The following MGLL variants were observed in gnomAD, a reference collection of about 807,000 sequenced individuals.
MGLL encodes lysophospholipase homolog.
Under a neutral mutation model 29.1 loss-of-function variants are expected in MGLL, and 7 were observed. The observed-to-expected ratio is 0.24, with a 90% CI of 0.14 to 0.45. MGLL has a LOEUF of 0.45. Ranked by LOEUF, MGLL falls within the 20% of genes least tolerant of loss-of-function variation. The probability of loss-of-function intolerance (pLI) is 0.99; values close to 1 mark genes in which losing one functional copy is unlikely to be tolerated. For synonymous variants in MGLL, 148 were observed against 168.3 expected, an observed-to-expected ratio of 0.88 and a Z score of 0.93; for missense variants, 356 against 413.6, an observed-to-expected ratio of 0.86 and a Z score of 1.21.
chr3:127,754,136 A>G (rs2076612663), intron 3 of MGLL, among the ~76,000 whole-genome samples: 1 of 152,150 alleles, frequency 6.6e-6, no homozygotes, highest in Admixed American at 6.5e-5. Flanking sequence ...CCGCTCACCC[A>G]GGCCCTGGCC....
At chr3:127,706,854 A>C (rs1352330243) in intron 6 of MGLL, among the ~76,000 whole-genome samples, 6 of 152,250 alleles carry the variant, frequency 3.9e-5, no homozygotes, top group Non-Finnish European at 8.8e-5. Flanking sequence ...GCTGAAGCCC[A>C]TCTTTAGCTG....
chr3:127,795,282 T>C (rs574232089), intron 2 of MGLL, among the ~76,000 whole-genome samples: 2 of 152,280 alleles, frequency 1.3e-5, no homozygotes, highest in East Asian at 3.9e-4. Flanking sequence ...AACAAATTAA[T>C]GCAGGAACAG....
chr3:127,806,794 A>G (rs555174354), intron 2 of MGLL, among the ~76,000 whole-genome samples: 1 of 152,144 alleles, frequency 6.6e-6, no homozygotes, highest in Non-Finnish European at 1.5e-5. Flanking sequence ...TGGGAGGCCG[A>G]GGCGGGTGGA....
intron 3 of MGLL, among the ~76,000 whole-genome samples, chr3:127,773,656 G>A (rs1379999122): frequency 6.6e-6 from 1 of 152,146 alleles, no homozygotes; most frequent in Non-Finnish European, 1.5e-5. Flanking sequence ...TGTGGACTTG[G>A]GGGAGGGACC....
At chr3:127,816,790 A>G (rs1245224076) in intron 2 of MGLL, among the ~76,000 whole-genome samples, 1 of 152,016 alleles carries the variant, frequency 6.6e-6, no homozygotes, top group African/African-American at 2.4e-5. Flanking sequence ...ACTGAGCCCC[A>G]CTCCCGGGAG....
At chr3:127,694,479 T>C (rs1040125786) in intron 7 of MGLL, among the ~76,000 whole-genome samples, 11 of 151,984 alleles carry the variant, frequency 7.2e-5, no homozygotes, top group Non-Finnish European at 1.5e-4. Context: ...GCAGGGCCTG[T>C]CCTCAGGGCC....
chr3:127,815,647 G>A (rs980647479), intron 2 of MGLL, among the ~76,000 whole-genome samples: 4 of 152,108 alleles, frequency 2.6e-5, no homozygotes, highest in African/African-American at 7.2e-5. Flanking sequence ...TGCCCTTTCC[G>A]AGGGTGGAAC....
intron 5 of MGLL, among the ~76,000 whole-genome samples, chr3:127,715,165 T>C (rs902688675): frequency 6.6e-6 from 1 of 152,122 alleles, no homozygotes; most frequent in African/African-American, 2.4e-5. Context: ...TTGGCCAAAG[T>C]GGGGCCCTGG....
At chr3:127,795,928 C>T (rs1173034959) in intron 2 of MGLL, among the ~76,000 whole-genome samples, 2 of 152,126 alleles carry the variant, frequency 1.3e-5, no homozygotes, top group Admixed American at 6.5e-5. Flanking sequence ...AGGTTCTTTT[C>T]CAAATATATT....
In MGLL at chr3:127,755,878, C is replaced by T. The variant is rs1048298242; in HGVS notation, c.262+25911G>A. Among the ~76,000 whole-genome samples, 3 of 152,258 alleles carry T rather than the reference C, an allele frequency of 2.0e-5. No individual in the cohort carries two copies. The South Asian group carries it at 6.2e-4, about 32-fold the overall frequency. On this transcript the variant is annotated intron_variant, in intron 3 of 7. Coordinates refer to ENST00000265052, the MANE Select transcript of MGLL (RefSeq NM_007283.7). ...ACATGGCCGTTTGTCTACCCAATAT[C>T]CACTCTCTCTTTTCTTCTTAGTAAC...
intron 3 of MGLL, among the ~76,000 whole-genome samples, chr3:127,728,777 T>C (rs1027440708): frequency 2.0e-5 from 3 of 152,262 alleles, no homozygotes; most frequent in Non-Finnish European, 4.4e-5. Context: ...TAAATGCATA[T>C]GTAATTTTCG....
intron 3 of MGLL, among the ~76,000 whole-genome samples, chr3:127,780,338 A>G (rs1222697062): frequency 6.6e-6 from 1 of 152,224 alleles, no homozygotes; most frequent in Non-Finnish European, 1.5e-5. Flanking sequence ...CAATGTCTCT[A>G]GAACATAACG....
rs1211028320 is a variant in MGLL, at chr3:127,761,760, C to T, written c.262+20029G>A. Among the ~76,000 whole-genome samples the T allele has an allele frequency of 2.6e-5, 4 of 152,180 alleles. No homozygotes were observed. Among genetic ancestry groups the T allele is most frequent in the Non-Finnish European group, 4.4e-5 (3 of 68,030 alleles). ...ACGTTCGGCTCCTCGCTTCATCGGC[C>T]GGGCCCTTGGGACCCCAGCTCTTCA... On this transcript the variant is annotated intron_variant, in intron 3 of 7. Coordinates refer to ENST00000265052, the MANE Select transcript of MGLL (RefSeq NM_007283.7). The surrounding 1 kb of genome is among the most constrained non-coding windows in gnomAD (Gnocchi z 4.6).
At chr3:127,778,683 G>A (rs559557834) in intron 3 of MGLL, among the ~76,000 whole-genome samples, 5 of 152,270 alleles carry the variant, frequency 3.3e-5, no homozygotes, top group Admixed American at 2.6e-4. Flanking sequence ...TTTCAGCTCC[G>A]TTTTTAGTTT....
At chr3:127,816,571 A>T (rs374058041) in intron 2 of MGLL, among the ~76,000 whole-genome samples, 1 of 152,252 alleles carries the variant, frequency 6.6e-6, no homozygotes, top group Admixed American at 6.5e-5. Context: ...GGAGGATATT[A>T]CGAGGACGCA....
intron 6 of MGLL, among the ~76,000 whole-genome samples, chr3:127,708,662 C>A (rs1308752076): frequency 2.6e-5 from 4 of 152,194 alleles, no homozygotes; most frequent in African/African-American, 9.6e-5. Context: ...TAAAGGGAGG[C>A]CCCTCCCTCC....
intron 3 of MGLL, among the ~76,000 whole-genome samples, chr3:127,765,363 T>G (rs1413367759): frequency 6.6e-6 from 1 of 152,208 alleles, no homozygotes; most frequent in Non-Finnish European, 1.5e-5. Context: ...GACTACGCCT[T>G]TGGGGTAAAT....
rs528909621 is a variant in MGLL, at chr3:127,737,503, T to C, written c.263-14937A>G. 4.8e-3 allele frequency among the ~76,000 whole-genome samples: 731 copies of C among 151,522 alleles called. 2 individuals carry two copies. The highest frequency in any genetic ancestry group is 0.014 in the Middle Eastern group (4 of 292). ...ATGCCCACTGCCATGATAAGGGTCA[T>C]TATGAAAATTGAGGCTGCAGACCAA... On this transcript the variant is annotated intron_variant, in intron 3 of 7. Coordinates refer to ENST00000265052, the MANE Select transcript of MGLL (RefSeq NM_007283.7).
intron 2 of MGLL, among the ~76,000 whole-genome samples, chr3:127,792,638 G>A (rs1176053089): frequency 1.3e-5 from 2 of 152,118 alleles, no homozygotes; most frequent in African/African-American, 4.8e-5. Context: ...GGGAGGCGGA[G>A]GTTGCGATGA....
Sources: allele counts gnomAD v4.1 joint callset (sites outside exome capture counted in the v4.1 genomes callset), GRCh38; gene constraint gnomAD v4.1.1; non-coding constraint Gnocchi (gnomAD v3.1); transcripts MANE v1.5; gene names NCBI Gene and HGNC (gene_info 2026-07-23, HGNC 2026-07-21).